RARB: variants seen among roughly 807,000 people sequenced by gnomAD.
The protein encoded by RARB is retinoic acid receptor beta, also known as HBV-activated protein.
Under a neutral mutation model 51.9 loss-of-function variants are expected in RARB, and 17 were observed. The observed-to-expected ratio is 0.33, with a 90% CI of 0.22 to 0.49. The LOEUF is 0.49. Ranked by LOEUF, RARB falls within the 20% of genes least tolerant of loss-of-function variation. RARB has a pLI of 0.99. For missense variants in RARB, 369 were observed against 550.8 expected, an observed-to-expected ratio of 0.67 and a Z score of 3.30; for synonymous variants, 215 against 195.4, an observed-to-expected ratio of 1.10 and a Z score of -0.84.
intron 2 of RARB, among the ~76,000 whole-genome samples, chr3:24,976,621 T>G (rs1696519230): frequency 6.6e-6 from 1 of 152,126 alleles, no homozygotes; most frequent in Admixed American, 6.6e-5. Flanking sequence ...GGGTTTTTTT[T>G]TCTTGTAAAT....
At chr3:24,936,589 G>A (rs1323841072) in intron 2 of RARB, among the ~76,000 whole-genome samples, 5 of 152,172 alleles carry the variant, frequency 3.3e-5, no homozygotes, top group Admixed American at 6.5e-5. Context: ...ATGAGAAAGA[G>A]GGAAAGAAAA....
chr3:25,511,691 G>A (rs1697904330), intron 3 of RARB, among the ~76,000 whole-genome samples: 1 of 152,082 alleles, frequency 6.6e-6, no homozygotes, highest in South Asian at 2.1e-4. Flanking sequence ...GCTGTGGCCT[G>A]AGCCCTCTCA....
At chr3:25,208,975 G>A (rs536429699) in intron 5 of RARB, among the ~76,000 whole-genome samples, 6 of 152,294 alleles carry the variant, frequency 3.9e-5, no homozygotes, top group African/African-American at 1.4e-4. Flanking sequence ...CTGGGTCTAG[G>A]CTAATGTTTG....
intron 2 of RARB, among the ~76,000 whole-genome samples, chr3:25,481,427 T>C (rs1696219798): frequency 6.6e-6 from 1 of 152,222 alleles, no homozygotes; most frequent in African/African-American, 2.4e-5. Context: ...TAAAAATTTT[T>C]GAAAAACACT....
intron 4 of RARB, among the ~76,000 whole-genome samples, chr3:25,574,544 C>G (rs973112175): frequency 6.6e-6 from 1 of 152,204 alleles, no homozygotes; most frequent in Admixed American, 6.5e-5. Flanking sequence ...ACCCCCAGCT[C>G]GTGCTGTCTG....
chr3:25,258,512 T>C (rs1423840775), intron 5 of RARB, among the ~76,000 whole-genome samples: 1 of 152,108 alleles, frequency 6.6e-6, no homozygotes, highest in East Asian at 1.9e-4. Context: ...ACCTTGAAAT[T>C]CTGACTGTTT....
intron 2 of RARB, among the ~76,000 whole-genome samples, chr3:25,489,563 A>G (rs955548644): frequency 1.3e-5 from 2 of 152,242 alleles, no homozygotes; most frequent in African/African-American, 2.4e-5. Context: ...CCTGCCTGCA[A>G]AGGACTCCGG....
At chr3:25,563,445 C>T (rs1241310709) in intron 3 of RARB, among the ~76,000 whole-genome samples, 1 of 152,202 alleles carries the variant, frequency 6.6e-6, no homozygotes, top group Non-Finnish European at 1.5e-5. Context: ...CTGGAATTCA[C>T]ATGGCAGGCA....
In RARB at chr3:25,365,552, T is replaced by C. The variant is rs1280565459; in HGVS notation, c.179-95641T>C. Among the ~76,000 whole-genome samples the C allele has an allele frequency of 2.6e-5, 4 of 152,220 alleles. No homozygotes were observed. In the South Asian group the frequency reaches 8.3e-4, roughly 32 times the overall value. ...CTCACAGAGTCTCTGAGTTAGGAAT[T>C]TGAGCAGGGCACAACAGAAATGGCT... is the stretch of plus-strand genomic sequence containing the variant. On this transcript the variant is annotated intron_variant, in intron 5 of 11. Coordinates refer to the RARB transcript ENST00000383772.
At chr3:25,530,445 A>G (rs1698854839) in intron 3 of RARB, among the ~76,000 whole-genome samples, 1 of 152,204 alleles carries the variant, frequency 6.6e-6, no homozygotes, top group Admixed American at 6.5e-5. Flanking sequence ...TCACTGAACT[A>G]AGATCAAGAA....
chr3:25,380,342 C>T (rs146155701), intron 5 of RARB, among the ~76,000 whole-genome samples: 5 of 152,134 alleles, frequency 3.3e-5, no homozygotes, highest in South Asian at 2.1e-4. Context: ...TAAAACAGAA[C>T]GTTCAGAGTC....
intron 4 of RARB, among the ~76,000 whole-genome samples, chr3:25,160,724 T>C (rs1700460484): frequency 6.6e-6 from 1 of 152,126 alleles, no homozygotes; most frequent in Admixed American, 6.5e-5. Context: ...AGGTCAGAAG[T>C]CCAAAATCAG....
chr3:25,477,895 CAACATCTGGAGT>C (rs1408008631), intron 2 of RARB, among the ~76,000 whole-genome samples: 9 of 152,168 alleles, frequency 5.9e-5, no homozygotes, highest in Admixed American at 3.3e-4. Flanking sequence ...TGATGACAGT[CAACATCTGGAGT>C]AACTCAGTGT....
At chr3:25,141,643 A>C (rs369650383) in intron 4 of RARB, among the ~76,000 whole-genome samples, 2 of 152,288 alleles carry the variant, frequency 1.3e-5, no homozygotes, top group South Asian at 4.1e-4. Flanking sequence ...CAATCTAGAT[A>C]TTTCACAGTT....
intron 5 of RARB, among the ~76,000 whole-genome samples, chr3:25,315,779 A>C (rs148326776): frequency 0.013 from 1,638 of 128,606 alleles, 11 homozygotes; most frequent in Middle Eastern, 0.03. Context: ...ACACTCAGCT[A>C]ATTTTTTTTT....
chr3:24,839,203 C>A (rs183466606), intron 1 of RARB, among the ~76,000 whole-genome samples: 1 of 151,954 alleles, frequency 6.6e-6, no homozygotes, highest in African/African-American at 2.4e-5. Context: ...GTGCATGCAA[C>A]TTTAGTGGTC....
chr3:25,270,500 A>C (rs1359739623), intron 5 of RARB, among the ~76,000 whole-genome samples: 2 of 152,306 alleles, frequency 1.3e-5, no homozygotes, highest in Admixed American at 6.5e-5. Flanking sequence ...TACCACAATA[A>C]AAAAGATATA....
chr3:25,133,039 G>A (rs905206228), intron 4 of RARB, among the ~76,000 whole-genome samples: 9 of 151,800 alleles, frequency 5.9e-5, no homozygotes, highest in Admixed American at 4.6e-4. Context: ...AACTACTGCT[G>A]GTTAAACAAT....
chr3:25,066,450 C>G (rs1698663960), intron 3 of RARB, among the ~76,000 whole-genome samples: 1 of 152,162 alleles, frequency 6.6e-6, no homozygotes, highest in Admixed American at 6.5e-5. Flanking sequence ...GTGCCCTATT[C>G]TTCCCTGAAA....
Sources: gnomAD v4.1 joint callset for allele counts (sites outside exome capture counted in the v4.1 genomes callset) on GRCh38, gnomAD v4.1.1 for gene constraint, MANE v1.5 for transcripts, NCBI Gene and HGNC (gene_info 2026-07-23, HGNC 2026-07-21) for gene names.